The following FGGY variants were observed in gnomAD, a reference collection of about 807,000 sequenced individuals.
FGGY encodes FGGY carbohydrate kinase domain-containing protein.
A neutral mutation model predicts 71.3 loss-of-function variants in FGGY; 72 were observed. The observed-to-expected ratio is 1.01, with a 90% CI of 0.84 to 1.23. The LOEUF (loss-of-function observed/expected upper bound fraction) is 1.23, where lower values mean the gene tolerates loss of function less well. Ranked by LOEUF, FGGY falls within the 50% of genes most tolerant of loss-of-function variation. The pLI is 0.00. For missense variants in FGGY, 668 were observed against 682.3 expected (o/e 0.98, Z 0.23); for synonymous variants, 251 against 250.3 (o/e 1.00, Z -0.02).
chr1:59,372,795 C>T (rs1419459680), intron 4 of FGGY, among the ~76,000 whole-genome samples: 3 of 152,114 alleles, frequency 2.0e-5, no homozygotes, highest in Admixed American at 6.5e-5. Context: ...ATAAACAGAA[C>T]CAAAGACAAA....
chr1:59,685,447 A>T (rs2097536691), intron 14 of FGGY, among the ~76,000 whole-genome samples: 1 of 152,126 alleles, frequency 6.6e-6, no homozygotes, highest in South Asian at 2.1e-4. Context: ...AGGATTTAAG[A>T]AAGCTTACAA....
At chr1:59,534,469 A>G (rs1041336454) in intron 7 of FGGY, among the ~76,000 whole-genome samples, 3 of 151,990 alleles carry the variant, frequency 2.0e-5, no homozygotes, top group African/African-American at 7.2e-5. Flanking sequence ...CAGATTCAGG[A>G]AATACAGAGA....
intron 6 of FGGY, among the ~76,000 whole-genome samples, chr1:59,468,941 T>C (rs554776649): frequency 2.0e-5 from 3 of 150,608 alleles, no homozygotes; most frequent in Admixed American, 6.6e-5. Context: ...GGGACATAAA[T>C]GTGCCAGTGA....
At chr1:59,526,869 G>A (rs1014933560) in intron 7 of FGGY, among the ~76,000 whole-genome samples, 18 of 152,184 alleles carry the variant, frequency 1.2e-4, no homozygotes, top group African/African-American at 4.3e-4. Context: ...CCTGCTCTGT[G>A]CCTCAGATTT....
chr1:59,640,632 C>T (rs1326671934), intron 11 of FGGY, among the ~76,000 whole-genome samples: 1 of 142,184 alleles, frequency 7.0e-6, no homozygotes, highest in Non-Finnish European at 1.5e-5. Flanking sequence ...AGTAAGTGCT[C>T]AGTATATGCT....
Position 59,652,622 on chromosome 1 carries a change from C to G in FGGY, c.1222-7597C>G, listed in dbSNP as rs964698347. 1.1e-3 allele frequency among the ~76,000 whole-genome samples: 157 copies of G among 142,256 alleles called. 4 individuals are homozygous for G. Among genetic ancestry groups the G allele is most frequent in the East Asian group, 3.4e-3 (17 of 4,954 alleles). 93.3% of individuals were successfully genotyped at this position (142,256 alleles called of 152,430 possible). On this transcript the variant is annotated intron_variant, in intron 11 of 15. Coordinates refer to ENST00000303721, the MANE Select transcript of FGGY (RefSeq NM_018291.5). The stretch of plus-strand genomic sequence containing the variant: ...GCTCCATCGGCTCCTTTAAGCACTT[C>G]TCTGTATTGGTTATTCTAGTTATAC...
chr1:59,481,182 C>G (rs988624011), intron 6 of FGGY, among the ~76,000 whole-genome samples: 5 of 152,100 alleles, frequency 3.3e-5, no homozygotes, highest in Admixed American at 1.3e-4. Context: ...ACATTTTAAA[C>G]AAGGAAATGA....
intron 13 of FGGY, among the ~76,000 whole-genome samples, chr1:59,668,403 C>A (rs1348868398): frequency 6.6e-6 from 1 of 152,130 alleles, no homozygotes; most frequent in South Asian, 2.1e-4. Flanking sequence ...CCCATAGTCC[C>A]AACTCCAGCC....
chr1:59,431,747 T>G (rs1243892234), intron 5 of FGGY, among the ~76,000 whole-genome samples: 1 of 152,188 alleles, frequency 6.6e-6, no homozygotes, highest in Non-Finnish European at 1.5e-5. Flanking sequence ...AAATATATTT[T>G]TAGTTTCTGT....
At chr1:59,435,081 A>G (rs1375790490) in intron 5 of FGGY, among the ~76,000 whole-genome samples, 1 of 152,154 alleles carries the variant, frequency 6.6e-6, no homozygotes, top group Non-Finnish European at 1.5e-5. Flanking sequence ...TAGTGAGACA[A>G]TGAGAATATC....
At chr1:59,567,739 A>G (rs1246807600) in intron 8 of FGGY, among the ~76,000 whole-genome samples, 2 of 151,798 alleles carry the variant, frequency 1.3e-5, no homozygotes, top group African/African-American at 2.4e-5. Flanking sequence ...TGTGGTGTGC[A>G]GAACACCAAA....
chr1:59,302,134 A>G (rs1256164112), intron 1 of FGGY, among the ~76,000 whole-genome samples: 3 of 151,992 alleles, frequency 2.0e-5, no homozygotes, highest in Admixed American at 6.5e-5. Context: ...GATAAACCCT[A>G]TTGGTCAGGG....
chr1:59,425,215 T>TA (rs1222149372), intron 5 of FGGY, among the ~76,000 whole-genome samples: 4 of 152,206 alleles, frequency 2.6e-5, no homozygotes, highest in Admixed American at 6.5e-5. Context: ...GTGTCTGAAA[T>TA]ACCTGGGAAA....
chr1:59,748,398 AT>A (rs1318615550), intron 14 of FGGY, among the ~76,000 whole-genome samples: 1 of 152,204 alleles, frequency 6.6e-6, no homozygotes, highest in Non-Finnish European at 1.5e-5. Context: ...TTTCAATATT[AT>A]GTTTGAAGAG....
rs766434887 is a variant in FGGY, at chr1:59,457,092, A to G, written c.670+16A>G. 1 of 1,534,396 alleles carries G rather than the reference A, an allele frequency of 6.5e-7. No individual in the cohort carries two copies. The highest frequency in any genetic ancestry group is 9.0e-7 in the Non-Finnish European group (1 of 1,107,760). On this transcript the variant is annotated intron_variant, in intron 6 of 15. Coordinates refer to ENST00000303721, the MANE Select transcript of FGGY (RefSeq NM_018291.5). ...AGCAAAATAGGTAAAAGAATAAAAC[A>G]TCTGTAGAGTGATTATGTGCATTGG...
intron 5 of FGGY, among the ~76,000 whole-genome samples, chr1:59,422,275 G>T (rs2065572365): frequency 6.6e-6 from 1 of 152,170 alleles, no homozygotes; most frequent in Admixed American, 6.5e-5. Flanking sequence ...GATTTACCAG[G>T]TTCAATGCCT....
At chr1:59,547,734 A>G (rs2095548820) in intron 7 of FGGY, among the ~76,000 whole-genome samples, 1 of 152,224 alleles carries the variant, frequency 6.6e-6, no homozygotes, top group Admixed American at 6.5e-5. Context: ...GTGAGGCTCC[A>G]GTAATTACAT....
chr1:59,476,469 G>A (rs1255105118), intron 6 of FGGY, among the ~76,000 whole-genome samples: 1 of 152,206 alleles, frequency 6.6e-6, no homozygotes, highest in African/African-American at 2.4e-5. Flanking sequence ...ATCTGTCCAT[G>A]TAGCTGCAGT....
intron 5 of FGGY, among the ~76,000 whole-genome samples, chr1:59,448,803 GAAATA>G (rs1409632258): frequency 1.3e-5 from 2 of 152,100 alleles, no homozygotes; most frequent in African/African-American, 4.8e-5. Context: ...AGAGCATCAA[GAAATA>G]AAATAAAATA....
Sources: gnomAD v4.1 joint callset for allele counts (sites outside exome capture counted in the v4.1 genomes callset) on GRCh38, gnomAD v4.1.1 for gene constraint, MANE v1.5 for transcripts, NCBI Gene and HGNC (gene_info 2026-07-23, HGNC 2026-07-21) for gene names.